The following ASTN2 variants were observed in gnomAD, a reference collection of about 807,000 sequenced individuals.
ASTN2 encodes the protein astrotactin 2.
ASTN2 carries 54 observed loss-of-function variants against 139.8 expected under a neutral mutation model. The observed-to-expected ratio is 0.39, with a 90% CI of 0.31 to 0.48. The LOEUF (loss-of-function observed/expected upper bound fraction) is 0.48. ASTN2 is among the 20% of genes least tolerant of loss of function. The pLI is 0.95. For missense variants in ASTN2, 1,565 were observed against 1,725.1 expected (o/e 0.91, Z 1.64); for synonymous variants, 756 against 719.5 (o/e 1.05, Z -0.81).
At chr9:116,684,855 CTAACT>C (rs1860103335) in intron 16 of ASTN2, among the ~76,000 whole-genome samples, 1 of 152,220 alleles carries the variant, frequency 6.6e-6, no homozygotes, top group Non-Finnish European at 1.5e-5. Flanking sequence ...TAAAAGAGAT[CTAACT>C]TAACTGACTC....
At chr9:117,011,230 C>A (rs962799702) in intron 6 of ASTN2, among the ~76,000 whole-genome samples, 1 of 152,162 alleles carries the variant, frequency 6.6e-6, no homozygotes, top group Non-Finnish European at 1.5e-5. Context: ...AAAGCAGGTA[C>A]AATAAATGGA....
chr9:116,716,189 A>T (rs924830807), intron 16 of ASTN2, among the ~76,000 whole-genome samples: 3 of 152,186 alleles, frequency 2.0e-5, no homozygotes, highest in Admixed American at 1.3e-4. Flanking sequence ...ACCTGTTTGA[A>T]TCAGAGTAAC....
intron 19 of ASTN2, among the ~76,000 whole-genome samples, chr9:116,536,400 G>C (rs1191598465): frequency 6.6e-6 from 1 of 152,152 alleles, no homozygotes; most frequent in African/African-American, 2.4e-5. Context: ...TGCTGGTGAG[G>C]AGCTGCGTTC....
chr9:117,292,153 T>C (rs536640981), intron 1 of ASTN2, among the ~76,000 whole-genome samples: 9 of 152,312 alleles, frequency 5.9e-5, no homozygotes, highest in African/African-American at 2.2e-4. Context: ...TTAAAAATAC[T>C]GGCAAAGCTA....
intron 13 of ASTN2, among the ~76,000 whole-genome samples, chr9:116,771,413 A>G (rs1829950470): frequency 6.6e-6 from 1 of 152,206 alleles, no homozygotes; most frequent in African/African-American, 2.4e-5. Context: ...CACATGGCAC[A>G]TAATCAATGG....
At chr9:116,679,130 T>G (rs898532388) in intron 16 of ASTN2, among the ~76,000 whole-genome samples, 4 of 152,162 alleles carry the variant, frequency 2.6e-5, no homozygotes, top group African/African-American at 9.6e-5. Flanking sequence ...TTTTAAAAAT[T>G]TTTGAAGTTA....
chr9:117,378,050 C>T (rs779570339), intron 1 of ASTN2, among the ~76,000 whole-genome samples: 8 of 152,086 alleles, frequency 5.3e-5, no homozygotes, highest in East Asian at 1.9e-4. Context: ...GATTTTGTTG[C>T]GTTTATATTT....
intron 11 of ASTN2, among the ~76,000 whole-genome samples, chr9:116,832,866 T>C (rs757071825): frequency 3.9e-4 from 59 of 152,116 alleles, no homozygotes; most frequent in Non-Finnish European, 6.6e-4. Context: ...AGTATCAAGA[T>C]AATGCTAATG....
At chr9:116,543,559 G>C (rs1023132795) in intron 19 of ASTN2, 1 of 152,108 alleles carries the variant, frequency 6.6e-6, no homozygotes, top group Non-Finnish European at 1.5e-5. Context: ...GTTCCACAAG[G>C]TAAAATAACT....
chr9:116,488,876 A>T (rs1319310806), intron 19 of ASTN2, among the ~76,000 whole-genome samples: 1 of 152,314 alleles, frequency 6.6e-6, no homozygotes, highest in African/African-American at 2.4e-5. Flanking sequence ...TATCAATAAA[A>T]ATTACTTAAA....
At chr9:116,905,313 C>A (rs1212227744) in intron 10 of ASTN2, among the ~76,000 whole-genome samples, 1 of 152,102 alleles carries the variant, frequency 6.6e-6, no homozygotes, top group Non-Finnish European at 1.5e-5. Context: ...TGTAATGGCA[C>A]AAAACACTTA....
At chr9:117,232,422 G>A (rs1163901753) in intron 2 of ASTN2, among the ~76,000 whole-genome samples, 1 of 151,980 alleles carries the variant, frequency 6.6e-6, no homozygotes, top group Non-Finnish European at 1.5e-5. Context: ...TTCTTTTGCC[G>A]TAGGAACCAG....
chr9:117,221,135 C>G lies in ASTN2; in HGVS notation c.631-6393G>C, dbSNP rs577631738. 7.4e-4 allele frequency among the ~76,000 whole-genome samples: 113 copies of G among 152,316 alleles called. 1 individual carries two copies. The highest frequency in any genetic ancestry group is 2.7e-3 in the African/African-American group (111 of 41,580). ...TGCAAGTACTTGTTTTAGCTCTGAT[C>G]CCAGCATCAACAAGGCACCTGACCA... On this transcript the variant is annotated intron_variant, in intron 2 of 22. Transcript: ENST00000313400.
chr9:116,730,865 T>G (rs957354412), intron 14 of ASTN2, among the ~76,000 whole-genome samples: 3 of 152,188 alleles, frequency 2.0e-5, no homozygotes, highest in African/African-American at 7.2e-5. Context: ...CCTCACTTCC[T>G]TCCATCTCTG....
intron 13 of ASTN2, among the ~76,000 whole-genome samples, chr9:116,805,167 G>A (rs1365324692): frequency 5.9e-5 from 9 of 151,342 alleles, no homozygotes; most frequent in South Asian, 2.1e-4. Flanking sequence ...AAAACAGAGA[G>A]AGAAAGAGAG....
At chr9:116,995,850 T>C in intron 7 of ASTN2, among the ~76,000 whole-genome samples, 1 of 152,308 alleles carries the variant, frequency 6.6e-6, no homozygotes, top group Non-Finnish European at 1.5e-5. Flanking sequence ...TTTTATTTAT[T>C]TATTTTTAGA....
At chr9:116,588,138 A>G (rs998192117) in intron 19 of ASTN2, among the ~76,000 whole-genome samples, 1 of 150,192 alleles carries the variant, frequency 6.7e-6, no homozygotes, top group Non-Finnish European at 1.5e-5. Context: ...CATGCCAAAA[A>G]TATCTACCCG....
intron 3 of ASTN2, among the ~76,000 whole-genome samples, chr9:117,208,013 T>C (rs117977362): frequency 6.6e-6 from 1 of 152,298 alleles, no homozygotes; most frequent in Non-Finnish European, 1.5e-5. Context: ...AATAAGTCTT[T>C]CCTTATGAAA....
intron 3 of ASTN2, among the ~76,000 whole-genome samples, chr9:117,182,185 C>T (rs1831087338): frequency 3.3e-5 from 5 of 150,646 alleles, no homozygotes; most frequent in Admixed American, 3.3e-4. Context: ...AGGCCAGCCT[C>T]ATGCATATTT....
Sources: gnomAD v4.1 joint callset for allele counts (sites outside exome capture counted in the v4.1 genomes callset) on GRCh38, gnomAD v4.1.1 for gene constraint, MANE v1.5 for transcripts, NCBI Gene and HGNC (gene_info 2026-07-23, HGNC 2026-07-21) for gene names.